Variants in UNC13B observed in about 807,000 individuals in gnomAD.
UNC13B encodes the protein unc-13 homolog B.
UNC13B carries 144 observed loss-of-function variants against 211.0 expected under a neutral mutation model. The ratio of observed to expected loss-of-function variants is 0.68; its 90% CI spans 0.60 to 0.78. The LOEUF is 0.78. Ranked by LOEUF, UNC13B falls within the 30% of genes least tolerant of loss-of-function variation. The probability of loss-of-function intolerance (pLI) is 0.00; values close to 1 mark genes in which losing one functional copy is unlikely to be tolerated. For missense variants in UNC13B, 1,777 were observed against 2,002.0 expected, an observed-to-expected ratio of 0.89 and a Z score of 2.14; for synonymous variants, 709 against 725.8, an observed-to-expected ratio of 0.98 and a Z score of 0.37.
Position 35,313,890 on chromosome 9 carries a change from T to C in UNC13B, c.9324-9T>C, listed in dbSNP as rs771698096. On this transcript the variant is annotated splice_polypyrimidine_tract_variant and intron_variant, in intron 10 of 39. Coordinates refer to ENST00000635942, the MANE Select transcript of UNC13B (RefSeq NM_001371189.2). The stretch of plus-strand genomic sequence containing the variant: ...ATTTTTAAGAAATGTACTTTTTCTC[T>C]GTTACAAGTTTTCCTGAGGAGAATG... 3 of 1,609,968 alleles carry C rather than the reference T, an allele frequency of 1.9e-6. No individual in the cohort carries two copies. Among genetic ancestry groups the C allele is most frequent in the East Asian group, 4.5e-5 (2 of 44,852 alleles).
chr9:35,338,549 G>A (rs1191773674), intron 11 of UNC13B, among the ~76,000 whole-genome samples: 1 of 152,102 alleles, frequency 6.6e-6, no homozygotes, highest in East Asian at 1.9e-4. Context: ...TCATTCTACA[G>A]CGGGAAAAAT....
intron 9 of UNC13B, 133 bp from the exon 10 acceptor site, chr9:35,310,334 G>T (rs1298705076): frequency 6.4e-6 from 6 of 934,948 alleles, no homozygotes; most frequent in Admixed American, 2.6e-5. Context: ...ATGAAGTTTG[G>T]TCCTCTCTTC....
At chr9:35,231,768 G>C (rs571242481) in intron 3 of UNC13B, among the ~76,000 whole-genome samples, 1 of 152,102 alleles carries the variant, frequency 6.6e-6, no homozygotes, top group Non-Finnish European at 1.5e-5. Flanking sequence ...AATTTCTCGT[G>C]TATGACAAAG....
chr9:35,201,487 C>G (rs1564063819), intron 1 of UNC13B, among the ~76,000 whole-genome samples: 1 of 152,152 alleles, frequency 6.6e-6, no homozygotes, highest in African/African-American at 2.4e-5. Context: ...GGTTGGTAGG[C>G]TATTAATTAG....
intron 17 of UNC13B, 59 bp downstream of exon 17, chr9:35,378,495 C>G: frequency 6.3e-7 from 1 of 1,597,524 alleles, no homozygotes; most frequent in Non-Finnish European, 8.6e-7. Context: ...AGCAGGATCA[C>G]ATCCTGCCAT....
chr9:35,331,350 C>T (rs774844166), intron 11 of UNC13B, among the ~76,000 whole-genome samples: 5 of 152,120 alleles, frequency 3.3e-5, no homozygotes, highest in East Asian at 1.9e-4. Context: ...CAGATTCAAG[C>T]GATTCTTGTG....
intron 7 of UNC13B, among the ~76,000 whole-genome samples, chr9:35,260,036 T>TCCAA (rs1827171496): frequency 1.1e-3 from 1 of 922 alleles, no homozygotes. Flanking sequence ...ACCTCATTTC[T>TCCAA]ACAAAAAAAA....
At chr9:35,193,311 A>G (rs1323406339) in intron 1 of UNC13B, among the ~76,000 whole-genome samples, 10 of 152,056 alleles carry the variant, frequency 6.6e-5, no homozygotes, top group Admixed American at 5.9e-4. Flanking sequence ...AAATCCCCTT[A>G]CTAATTAAGT....
At position 35,347,493 on chromosome 9, in the gene UNC13B, A is replaced by G. The variant is rs532031901; in HGVS notation, c.9415-19454A>G. On this transcript the variant is annotated intron_variant, in intron 11 of 39. Transcript: ENST00000635942. ...CCCTTTCAGCCCATTCTGGCTTCTG[A>G]TATTCTACTGAGCTCAGCACAGTGA... Among the ~76,000 whole-genome samples, 3 of 152,222 alleles carry G rather than the reference A, an allele frequency of 2.0e-5. No homozygotes were observed. The East Asian group carries it at 5.8e-4, about 29-fold the overall frequency.
intron 11 of UNC13B, among the ~76,000 whole-genome samples, chr9:35,315,581 A>G (rs917506111): frequency 1.3e-5 from 2 of 152,186 alleles, no homozygotes; most frequent in African/African-American, 4.8e-5. Context: ...GTATTTCCCT[A>G]TAAACAAGGC....
intron 11 of UNC13B, chr9:35,361,352 A>C (rs1229490450): frequency 1.3e-5 from 2 of 152,182 alleles, no homozygotes; most frequent in Non-Finnish European, 2.9e-5. Context: ...TTGATTCTTA[A>C]GAAAAAAAGT....
intron 6 of UNC13B, among the ~76,000 whole-genome samples, chr9:35,253,511 C>G (rs1261499700): frequency 1.3e-5 from 2 of 152,038 alleles, no homozygotes; most frequent in South Asian, 2.1e-4. Context: ...ATGTGTATAC[C>G]TACCCCTAAG....
rs563480481 is a variant in UNC13B, at chr9:35,364,552, G to A, written c.9415-2395G>A. On this transcript the variant is annotated intron_variant, in intron 11 of 39. Coordinates refer to ENST00000635942, the MANE Select transcript of UNC13B (RefSeq NM_001371189.2). ...CTCTTTCTCTCCTTGCAGAAGAAAA[G>A]CGAGGAGCCCTTCAGGTTGTGCCTA... 140 of 1,536,030 alleles carry A rather than the reference G, an allele frequency of 9.1e-5. No homozygotes were observed. The African/African-American group carries it at 1.6e-3, about 18-fold the overall frequency.
intron 35 of UNC13B, 68 bp downstream of exon 35, chr9:35,399,516 G>C: frequency 4.3e-6 from 7 of 1,610,552 alleles, no homozygotes; most frequent in Non-Finnish European, 5.9e-6. Flanking sequence ...GGGTGGCTGC[G>C]GGGAAGGAAA....
intron 11 of UNC13B, among the ~76,000 whole-genome samples, chr9:35,321,092 A>AT (rs11306997): frequency 1.3e-5 from 2 of 151,806 alleles, no homozygotes; most frequent in South Asian, 2.1e-4. Flanking sequence ...GGATTTAAAC[A>AT]TTTTTTTTCT....
chr9:35,348,941 A>G (rs1832539350), intron 11 of UNC13B, among the ~76,000 whole-genome samples: 1 of 151,460 alleles, frequency 6.6e-6, no homozygotes, highest in African/African-American at 2.4e-5. Flanking sequence ...TTTTTTTGAG[A>G]CAGTCTTGCT....
intron 1 of UNC13B, among the ~76,000 whole-genome samples, chr9:35,192,215 T>C (rs1822697666): frequency 6.6e-6 from 1 of 152,210 alleles, no homozygotes; most frequent in Non-Finnish European, 1.5e-5. Context: ...CATTTTAAGC[T>C]GTAAAAGAAG....
Position 35,274,196 on chromosome 9 carries a change from A to G in UNC13B, c.526+15146A>G, listed in dbSNP as rs150190999. Among the ~76,000 whole-genome samples, 350 of 152,284 alleles carry G rather than the reference A, an allele frequency of 2.3e-3. 1 individual carries two copies. Among genetic ancestry groups the G allele is most frequent in the Middle Eastern group, 0.01 (3 of 294 alleles). On this transcript the variant is annotated intron_variant, in intron 7 of 39. Transcript: ENST00000635942. ...GCCTATCAGGAGATATATCTCTTAGAGAGCTTTGTGGCCTCGCACTCTCAA... is the reference window on the plus strand; with the variant it reads ...GCCTATCAGGAGATATATCTCTTAGGGAGCTTTGTGGCCTCGCACTCTCAA...
chr9:35,262,466 C>T (rs1827335985), intron 7 of UNC13B, among the ~76,000 whole-genome samples: 1 of 151,898 alleles, frequency 6.6e-6, no homozygotes, highest in South Asian at 2.1e-4. Flanking sequence ...ACAGGCCATG[C>T]TACCACTCCC....
Sources: allele counts gnomAD v4.1 joint callset (sites outside exome capture counted in the v4.1 genomes callset), GRCh38; gene constraint gnomAD v4.1.1; transcripts MANE v1.5; gene names NCBI Gene and HGNC (gene_info 2026-07-23, HGNC 2026-07-21).